Variants in RALYL observed in about 807,000 individuals in gnomAD.
RALYL encodes the protein RNA-binding Raly-like protein.
RALYL carries 29 observed loss-of-function variants against 35.1 expected under a neutral mutation model. That is an observed-to-expected ratio of 0.83 (90% CI 0.61 to 1.13). The LOEUF is 1.13. Ranked by LOEUF, RALYL falls within the 50% of genes most tolerant of loss-of-function variation. The pLI is 0.00. For synonymous variants in RALYL, 120 were observed against 127.6 expected (o/e 0.94, Z 0.40); for missense variants, 359 against 360.4 (o/e 1.00, Z 0.03).
chr8:84,318,157 A>G (rs1000127017), intron 1 of RALYL, among the ~76,000 whole-genome samples: 1 of 152,170 alleles, frequency 6.6e-6, no homozygotes, highest in Non-Finnish European at 1.5e-5. Context: ...TTAAAGACGT[A>G]TTAAGAACTT....
intron 8 of RALYL, among the ~76,000 whole-genome samples, chr8:84,889,250 C>T (rs993516028): frequency 2.0e-5 from 3 of 152,146 alleles, no homozygotes; most frequent in Non-Finnish European, 4.4e-5. Flanking sequence ...AGGACTAATT[C>T]GACAACATGA....
At chr8:84,803,737 T>G (rs1042919106) in intron 3 of RALYL, among the ~76,000 whole-genome samples, 2 of 152,206 alleles carry the variant, frequency 1.3e-5, no homozygotes, top group African/African-American at 4.8e-5. Context: ...CCAAGGCATA[T>G]TTCTCATAAG....
chr8:84,190,557 G>A (rs1223570776), intron 1 of RALYL, among the ~76,000 whole-genome samples: 1 of 152,192 alleles, frequency 6.6e-6, no homozygotes, highest in East Asian at 1.9e-4. Flanking sequence ...TCAAAGTATA[G>A]GGAGGGTTAA....
intron 2 of RALYL, among the ~76,000 whole-genome samples, chr8:84,761,726 A>G (rs1289264585): frequency 1.3e-5 from 2 of 152,156 alleles, no homozygotes; most frequent in Non-Finnish European, 2.9e-5. Context: ...AGCTCCATCT[A>G]TGAGTCAAAT....
intron 1 of RALYL, among the ~76,000 whole-genome samples, chr8:84,213,362 C>CT (rs1375991405): frequency 7.2e-5 from 11 of 152,128 alleles, no homozygotes; most frequent in African/African-American, 2.7e-4. Flanking sequence ...CGCCATTGCA[C>CT]TCCAGCCTGG....
At chr8:84,710,530 G>C (rs371794233) in intron 2 of RALYL, among the ~76,000 whole-genome samples, 16 of 152,054 alleles carry the variant, frequency 1.1e-4, no homozygotes, top group African/African-American at 3.9e-4. Context: ...TTGAACTCCT[G>C]ACCTCAGGTG....
At chr8:84,232,107 G>C (rs1011188696) in intron 1 of RALYL, among the ~76,000 whole-genome samples, 5 of 152,054 alleles carry the variant, frequency 3.3e-5, no homozygotes, top group African/African-American at 9.7e-5. Context: ...CGGATGAATG[G>C]GATATTTAAT....
intron 8 of RALYL, among the ~76,000 whole-genome samples, chr8:84,908,861 C>G (rs377513863): frequency 6.6e-6 from 1 of 151,104 alleles, no homozygotes; most frequent in Admixed American, 6.6e-5. Context: ...CACCCTCCAG[C>G]ACTTTTTTTT....
At position 84,579,149 on chromosome 8, in the gene RALYL, T is replaced by A. The variant is rs560647994; in HGVS notation, c.256+49572T>A. ...GCCCCCCTAGGCCTCCCTCCCATGA[T>A]TATTGGTGCCCAAAGTTTGGAGGGG... On this transcript the variant is annotated intron_variant, in intron 2 of 8. Coordinates refer to ENST00000521268, the MANE Select transcript of RALYL (RefSeq NM_173848.7). Among the ~76,000 whole-genome samples, 3 of 152,276 alleles carry A rather than the reference T, an allele frequency of 2.0e-5. No homozygotes were observed. In the East Asian group the frequency reaches 5.8e-4, roughly 29 times the overall value.
At position 84,921,433 on chromosome 8, in the gene RALYL, T is replaced by TG. The variant is rs1849298988; in HGVS notation, c.*523dup. On this transcript the variant is annotated 3_prime_UTR_variant, in exon 9 of 9. Transcript: ENST00000521268. ...AAAATACTTGAAAAAGTTATATTTCTGCCCTGTATAAGCACCCTTTTTATT... is the reference window on the plus strand; with the variant it reads ...AAAATACTTGAAAAAGTTATATTTCTGGCCCTGTATAAGCACCCTTTTTATT... 1 of 152,160 alleles carries TG rather than the reference T, an allele frequency of 6.6e-6. No homozygotes were observed. 9.4% of individuals were successfully genotyped at this position (152,160 alleles called of 1,614,324 possible).
chr8:84,869,242 T>C (rs1179403446), intron 6 of RALYL, among the ~76,000 whole-genome samples: 2 of 152,210 alleles, frequency 1.3e-5, no homozygotes, highest in African/African-American at 4.8e-5. Flanking sequence ...TACCTGTGCA[T>C]ATCACATGAC....
At chr8:84,264,324 G>A (rs544093498) in intron 1 of RALYL, among the ~76,000 whole-genome samples, 2 of 152,108 alleles carry the variant, frequency 1.3e-5, no homozygotes, top group African/African-American at 2.4e-5. Context: ...GTGTGAGATG[G>A]TGTCTCATTG....
At chr8:84,184,864 G>A in intron 1 of RALYL, 1 of 1,052,900 alleles carries the variant, frequency 9.5e-7, no homozygotes, top group East Asian at 2.5e-5. Flanking sequence ...CCGGGAGATG[G>A]GGGTAGAAGC....
chr8:84,796,221 C>T (rs1023092366), intron 3 of RALYL, among the ~76,000 whole-genome samples: 49 of 152,158 alleles, frequency 3.2e-4, no homozygotes, highest in African/African-American at 1.2e-3. Flanking sequence ...AAGCTTCCTC[C>T]TAATAAATCT....
chr8:84,575,644 C>T (rs1809200558), intron 2 of RALYL, among the ~76,000 whole-genome samples: 1 of 152,142 alleles, frequency 6.6e-6, no homozygotes, highest in Non-Finnish European at 1.5e-5. Context: ...TAGATTCAGA[C>T]ATGGACATCC....
intron 2 of RALYL, among the ~76,000 whole-genome samples, chr8:84,730,389 A>G (rs1227410244): frequency 3.9e-5 from 6 of 152,154 alleles, no homozygotes; most frequent in African/African-American, 1.4e-4. Context: ...GTATCTCAAA[A>G]TAATAAGAGC....
chr8:84,422,075 G>A (rs1335546682), intron 1 of RALYL, among the ~76,000 whole-genome samples: 3 of 151,610 alleles, frequency 2.0e-5, no homozygotes, highest in Non-Finnish European at 2.9e-5. Flanking sequence ...AATGAGTTAG[G>A]GAGGATTCCC....
At chr8:84,514,112 A>AAAAAAAG (rs1554701901) in intron 1 of RALYL, among the ~76,000 whole-genome samples, 2 of 140,040 alleles carry the variant, frequency 1.4e-5, no homozygotes, top group East Asian at 4.1e-4. Flanking sequence ...AAAAAAAAAA[A>AAAAAAAG]AAAGAAAGAA....
At chr8:84,752,591 A>T (rs1810338129) in intron 2 of RALYL, among the ~76,000 whole-genome samples, 1 of 152,084 alleles carries the variant, frequency 6.6e-6, no homozygotes, top group Non-Finnish European at 1.5e-5. Flanking sequence ...GAGGAGGTAA[A>T]CATGATTTCA....
Sources: gnomAD v4.1 joint callset for allele counts (sites outside exome capture counted in the v4.1 genomes callset) on GRCh38, gnomAD v4.1.1 for gene constraint, MANE v1.5 for transcripts, NCBI Gene and HGNC (gene_info 2026-07-23, HGNC 2026-07-21) for gene names.